Variants in DNM2 observed in about 807,000 individuals in gnomAD.
DNM2 encodes dynamin-2.
DNM2 carries 15 observed loss-of-function variants against 99.0 expected under a neutral mutation model. The ratio of observed to expected loss-of-function variants is 0.15; its 90% CI spans 0.10 to 0.23. DNM2 has a LOEUF of 0.23. DNM2 is among the 10% of genes least tolerant of loss of function. The pLI is 1.00. For synonymous variants in DNM2, 525 were observed against 481.2 expected (o/e 1.09, Z -1.19); for missense variants, 742 against 1,189.4 (o/e 0.62, Z 5.53).
chr19:10,739,624 C>T (rs1300162174), intron 1 of DNM2, among the ~76,000 whole-genome samples: 2 of 152,062 alleles, frequency 1.3e-5, no homozygotes, highest in Admixed American at 1.3e-4. Context: ...GAGGCTGAGG[C>T]GGGCAGATCA....
intron 7 of DNM2, among the ~76,000 whole-genome samples, chr19:10,792,087 C>A (rs1322870701): frequency 4.0e-5 from 6 of 151,678 alleles, no homozygotes; most frequent in Non-Finnish European, 8.8e-5. Flanking sequence ...GACTCCAGCT[C>A]AAAAAACAAA....
intron 7 of DNM2, among the ~76,000 whole-genome samples, chr19:10,793,396 T>C (rs542637372): frequency 1.7e-4 from 26 of 152,302 alleles, no homozygotes; most frequent in Admixed American, 5.2e-4. Flanking sequence ...CAGCATCCTG[T>C]AAATCAAGTT....
At chr19:10,810,529 C>CG (rs1229573863) in intron 14 of DNM2, 1 of 152,628 alleles carries the variant, frequency 6.6e-6, no homozygotes, top group Non-Finnish European at 1.5e-5. Context: ...AGCATGGCCC[C>CG]GATCAGTGCC....
chr19:10,737,268 C>T (rs2069563845), intron 1 of DNM2, among the ~76,000 whole-genome samples: 1 of 152,136 alleles, frequency 6.6e-6, no homozygotes, highest in African/African-American at 2.4e-5. Context: ...GGCTTTTTCA[C>T]ATGCTGCTTC....
Position 10,829,129 on chromosome 19 carries a change from C to A in DNM2, c.2152C>A (p.Arg718=). Residue 718 remains arginine (R), a synonymous_variant, in exon 19 of 21, where the codon CGG becomes AGG. Coordinates refer to ENST00000389253, the MANE Select transcript of DNM2 (RefSeq NM_001005361.3). ...LMEESADQAQ[R]RDDMLRMYHA... ...GGAGGAGTCGGCTGACCAGGCACAG[C>A]GGCGGGACGACATGCTGCGCATGTA... The A allele has an allele frequency of 1.9e-6, 3 of 1,613,814 alleles. No individual in the cohort carries two copies. The highest frequency in any genetic ancestry group is 2.5e-6 in the Non-Finnish European group (3 of 1,179,970).
Position 10,831,112 on chromosome 19 carries a change from T to C in DNM2, c.*65T>C, listed in dbSNP as rs1468329062. ...CCGCGGCGCAGGAGCTTCAGTGGTC[T>C]GGGGCCCTCCGCCGCCCCTATGCTG... On this transcript the variant is annotated 3_prime_UTR_variant, in exon 21 of 21. Transcript: ENST00000389253. This position sits in a 1 kb window ranked among gnomAD's most constrained non-coding sequence, Gnocchi z 4.3. 6.5e-7 allele frequency: 1 copy of C among 1,527,544 alleles called. No individual in the cohort carries two copies. The highest frequency in any genetic ancestry group is 2.5e-5 in the East Asian group (1 of 40,440). The allele number at this position is 1,527,544 out of a possible 1,614,324, so 94.6% of individuals were successfully genotyped here. A position where few individuals can be genotyped will look rare whatever the true frequency, so the allele number is the denominator to read the frequency against.
intron 1 of DNM2, among the ~76,000 whole-genome samples, chr19:10,757,542 C>T (rs576136340): frequency 2.0e-5 from 3 of 152,246 alleles, no homozygotes; most frequent in South Asian, 4.1e-4. Flanking sequence ...ACTCAGGGAC[C>T]CAGGATGCTG....
In DNM2 at chr19:10,830,528, G is replaced by T; in HGVS notation, c.2543+150G>T. 1 of 930,224 alleles carries T rather than the reference G, an allele frequency of 1.1e-6. No individual in the cohort carries two copies. The highest frequency in any genetic ancestry group is 1.6e-6 in the Non-Finnish European group (1 of 627,942). The allele number at this position is 930,224 out of a possible 1,614,324, so 57.6% of individuals were successfully genotyped here. Reference sequence around the variant, plus strand: ...CCCTATTTGGCTTGCGAGGAAACAGGCCCAGAGAGGCCAAGAGGCTTGTTC... The same window carrying T: ...CCCTATTTGGCTTGCGAGGAAACAGTCCCAGAGAGGCCAAGAGGCTTGTTC... On this transcript the variant is annotated intron_variant, in intron 20 of 20. Coordinates refer to ENST00000389253, the MANE Select transcript of DNM2 (RefSeq NM_001005361.3). This position sits in a 1 kb window ranked among gnomAD's most constrained non-coding sequence, Gnocchi z 4.8.
At chr19:10,738,489 G>T (rs2069613770) in intron 1 of DNM2, among the ~76,000 whole-genome samples, 1 of 151,526 alleles carries the variant, frequency 6.6e-6, no homozygotes, top group Admixed American at 6.6e-5. Context: ...GGGGAGGGAG[G>T]GCTACAGGAG....
intron 6 of DNM2, among the ~76,000 whole-genome samples, chr19:10,786,265 A>T (rs1194568496): frequency 6.6e-6 from 1 of 152,160 alleles, no homozygotes; most frequent in Non-Finnish European, 1.5e-5. Flanking sequence ...CGTGGTCTGG[A>T]TGGACTGTCC....
chr19:10,718,796 G>A (rs866182345), intron 1 of DNM2: 1 of 163,326 alleles, frequency 6.1e-6, no homozygotes, highest in Non-Finnish European at 1.3e-5. Context: ...CTATTGGGGC[G>A]ACCGCTGCGG....
chr19:10,771,098 C>A (rs1004061916), intron 2 of DNM2, among the ~76,000 whole-genome samples: 3 of 152,178 alleles, frequency 2.0e-5, no homozygotes, highest in Non-Finnish European at 4.4e-5. Flanking sequence ...AGCCATTTCC[C>A]CCTTATTTTT....
intron 5 of DNM2, among the ~76,000 whole-genome samples, chr19:10,778,893 A>C (rs1256712266): frequency 6.6e-6 from 1 of 152,108 alleles, no homozygotes; most frequent in East Asian, 1.9e-4. Context: ...GAGTAACCTA[A>C]GTATTTTTTA....
At chr19:10,819,305 G>C (rs541507651) in intron 15 of DNM2, among the ~76,000 whole-genome samples, 1 of 152,242 alleles carries the variant, frequency 6.6e-6, no homozygotes, top group East Asian at 1.9e-4. Context: ...GCAGCACCTG[G>C]CCCAGGACCT....
intron 1 of DNM2, among the ~76,000 whole-genome samples, chr19:10,738,545 G>A (rs2069616882): frequency 6.6e-6 from 1 of 151,432 alleles, no homozygotes. Context: ...CCCTTCCTGG[G>A]GATCCCAGCG....
Position 10,820,436 on chromosome 19 carries a change from C to T in DNM2, c.1781+347C>T, listed in dbSNP as rs562112045. 7.9e-5 allele frequency among the ~76,000 whole-genome samples: 12 copies of T among 152,246 alleles called. No homozygotes were observed. The highest frequency in any genetic ancestry group is 1.3e-4 in the Admixed American group (2 of 15,300). ...GTATGAGAGGGTGAGAGATGGGGGA[C>T]GAGGGCAAAGGCCGCTGCCTTGTCC... On this transcript the variant is annotated intron_variant, in intron 16 of 20. Transcript: ENST00000389253. The surrounding 1 kb of genome is among the most constrained non-coding windows in gnomAD (Gnocchi z 4.3).
chr19:10,780,818 T>G (rs2038224072), intron 5 of DNM2, among the ~76,000 whole-genome samples: 1 of 151,996 alleles, frequency 6.6e-6, no homozygotes, highest in Admixed American at 6.6e-5. Context: ...ATCCCAGCAC[T>G]TTGGGAGACC....
rs947998895 is a variant in DNM2, at chr19:10,741,841, A to G, written c.162-17897A>G. 2.0e-5 allele frequency among the ~76,000 whole-genome samples: 3 copies of G among 151,880 alleles called. No homozygotes were observed. The South Asian group carries it at 6.2e-4, about 32-fold the overall frequency. On this transcript the variant is annotated intron_variant, in intron 1 of 20. Transcript: ENST00000389253. ...GCTGGGATTACAGGCGTGAGCCACC[A>G]CGCCTGGCCAATATTTCTTTTGTTC...
At chr19:10,782,198 A>G (rs1012322049) in intron 5 of DNM2, among the ~76,000 whole-genome samples, 5 of 151,454 alleles carry the variant, frequency 3.3e-5, no homozygotes, top group African/African-American at 1.2e-4. Context: ...ACGCCTCGCT[A>G]ATTTTTGTAT....
Sources: gnomAD v4.1 joint callset for allele counts (sites outside exome capture counted in the v4.1 genomes callset) on GRCh38, gnomAD v4.1.1 for gene constraint, Gnocchi (gnomAD v3.1) non-coding constraint, MANE v1.5 for transcripts, NCBI Gene and HGNC (gene_info 2026-07-23, HGNC 2026-07-21) for gene names.